The following CA10 variants were observed in gnomAD, a reference collection of about 807,000 sequenced individuals.
The protein encoded by CA10 is carbonic anhydrase-related protein 10.
Under a neutral mutation model 44.2 loss-of-function variants are expected in CA10, and 14 were observed. The observed-to-expected ratio is 0.32, with a 90% CI of 0.21 to 0.50. The LOEUF (loss-of-function observed/expected upper bound fraction) is 0.50. Among genes scored for constraint, CA10 ranks in the 20% least tolerant of loss-of-function variants. The pLI, the probability that CA10 is intolerant of heterozygous loss-of-function variation, is 0.99. For missense variants in CA10, 350 were observed against 409.7 expected, an observed-to-expected ratio of 0.85 and a Z score of 1.26; for synonymous variants, 159 against 141.6, an observed-to-expected ratio of 1.12 and a Z score of -0.87.
chr17:51,846,608 A>T (rs1978503767), intron 3 of CA10, among the ~76,000 whole-genome samples: 1 of 152,252 alleles, frequency 6.6e-6, no homozygotes, highest in Admixed American at 6.5e-5. Flanking sequence ...GCTTCAGGCC[A>T]TGCCCCTCCA....
intron 4 of CA10, among the ~76,000 whole-genome samples, chr17:51,725,442 A>G (rs1017510868): frequency 1.3e-5 from 2 of 152,144 alleles, no homozygotes; most frequent in African/African-American, 2.4e-5. Context: ...GGAAGTGTGT[A>G]CCACTAGTGG....
chr17:51,839,786 T>G (rs945145843), intron 3 of CA10, among the ~76,000 whole-genome samples: 1 of 152,120 alleles, frequency 6.6e-6, no homozygotes, highest in Non-Finnish European at 1.5e-5. Flanking sequence ...TTGGAAGAGA[T>G]GCAAATATAG....
intron 2 of CA10, among the ~76,000 whole-genome samples, chr17:51,936,378 G>A (rs1198758924): frequency 6.6e-6 from 1 of 152,148 alleles, no homozygotes; most frequent in Non-Finnish European, 1.5e-5. Flanking sequence ...CTTAAAGCAT[G>A]TATGGGAGAG....
chr17:51,675,211 T>C (rs540802167), intron 4 of CA10, among the ~76,000 whole-genome samples: 3 of 152,230 alleles, frequency 2.0e-5, no homozygotes, highest in South Asian at 4.2e-4. Context: ...ATTAGCATAA[T>C]TGTCATTATT....
rs56848452 is a variant in CA10, at chr17:51,930,273, A to AT, written c.279+716dup. Reference sequence around the variant, plus strand: ...TTTGAACACAATTTTCTGCATGTGCATTTTTTTTTTACCTTTAACAACCTA... The same window carrying AT: ...TTTGAACACAATTTTCTGCATGTGCATTTTTTTTTTTACCTTTAACAACCTA... On this transcript the variant is annotated intron_variant, in intron 3 of 8. Coordinates refer to ENST00000451037, the MANE Select transcript of CA10 (RefSeq NM_020178.5). Among the ~76,000 whole-genome samples, 1,212 of 150,058 alleles carry AT rather than the reference A, an allele frequency of 8.1e-3. 20 individuals carry two copies. The highest frequency in any genetic ancestry group is 0.027 in the African/African-American group (1,088 of 41,004).
intron 3 of CA10, among the ~76,000 whole-genome samples, chr17:51,894,056 T>C (rs985097702): frequency 6.6e-6 from 1 of 152,138 alleles, no homozygotes; most frequent in African/African-American, 2.4e-5. Context: ...TAGAAAAGTA[T>C]AGGGAGCTTG....
chr17:51,869,043 G>A (rs556125358), intron 3 of CA10, among the ~76,000 whole-genome samples: 56 of 151,768 alleles, frequency 3.7e-4, no homozygotes, highest in Non-Finnish European at 1.2e-4. Flanking sequence ...CTCTAAAGCC[G>A]TTCAAAATAT....
intron 3 of CA10, among the ~76,000 whole-genome samples, chr17:51,758,392 A>T (rs1230733157): frequency 6.6e-6 from 1 of 152,234 alleles, no homozygotes; most frequent in African/African-American, 2.4e-5. Flanking sequence ...ATGACAAAAG[A>T]CACAGAGAAC....
At chr17:51,759,176 G>A (rs917107268) in intron 3 of CA10, among the ~76,000 whole-genome samples, 2 of 151,926 alleles carry the variant, frequency 1.3e-5, no homozygotes, top group African/African-American at 4.8e-5. Context: ...ACTTCTTAGT[G>A]AGTGGCTGGA....
At chr17:52,123,584 T>G (rs1989058695) in intron 1 of CA10, among the ~76,000 whole-genome samples, 1 of 152,134 alleles carries the variant, frequency 6.6e-6, no homozygotes, top group Admixed American at 6.6e-5. Context: ...ACAAGGCTTA[T>G]AAATGTATGG....
chr17:52,108,204 A>ATATATTT lies in CA10; in HGVS notation c.62-35812_62-35811insAAATATA, dbSNP rs1555566992. 1.6e-3 allele frequency among the ~76,000 whole-genome samples: 37 copies of ATATATTT among 23,042 alleles called. No individual in the cohort carries two copies. In the African/African-American group the frequency reaches 0.041, roughly 26 times the overall value. 15.1% of individuals were successfully genotyped at this position (23,042 alleles called of 152,430 possible). A position where few individuals can be genotyped will look rare whatever the true frequency, so the allele number is the denominator to read the frequency against. ...TTATATATATATTTTTTATATATATATATATATATATATATATATATAATA... is the reference window on the plus strand; with the variant it reads ...TTATATATATATTTTTTATATATATATATATTTTATATATATATATATATATATAATA... On this transcript the variant is annotated intron_variant, in intron 1 of 8. Coordinates refer to ENST00000451037, the MANE Select transcript of CA10 (RefSeq NM_020178.5).
chr17:51,673,821 G>A lies in CA10; in HGVS notation c.466-20085C>T, dbSNP rs114376483. Reference sequence around the variant, plus strand: ...GGGAAATGTCCAGGCTCTTTTATCCGGCCTGAAAGGCCCACCATGACCTCC... The same window carrying A: ...GGGAAATGTCCAGGCTCTTTTATCCAGCCTGAAAGGCCCACCATGACCTCC... On this transcript the variant is annotated intron_variant, in intron 4 of 8. Transcript: ENST00000451037. 7.8e-3 allele frequency among the ~76,000 whole-genome samples: 1,194 copies of A among 152,208 alleles called. 15 individuals carry two copies. The highest frequency in any genetic ancestry group is 0.027 in the African/African-American group (1,123 of 41,520).
chr17:52,072,455 T>C, intron 1 of CA10, 62 bp from the exon 2 acceptor site: 1 of 1,244,126 alleles, frequency 8.0e-7, no homozygotes, highest in Non-Finnish European at 1.2e-6. Flanking sequence ...GTCCCGGCTG[T>C]CCGAGTAAGA....
intron 3 of CA10, among the ~76,000 whole-genome samples, chr17:51,860,153 C>A (rs778359289): frequency 2.0e-5 from 3 of 152,146 alleles, no homozygotes; most frequent in Non-Finnish European, 2.9e-5. Flanking sequence ...TCCTGGAAAC[C>A]CTTTCTCCCC....
chr17:51,840,798 A>T (rs1192350696), intron 3 of CA10, among the ~76,000 whole-genome samples: 1 of 152,218 alleles, frequency 6.6e-6, no homozygotes, highest in Non-Finnish European at 1.5e-5. Context: ...TATCAAAACC[A>T]CAGTGAAAAA....
At chr17:51,846,343 C>T (rs534342472) in intron 3 of CA10, among the ~76,000 whole-genome samples, 23 of 152,362 alleles carry the variant, frequency 1.5e-4, no homozygotes, top group African/African-American at 5.3e-4. Context: ...TGCAGGATCA[C>T]ACCCCTTGGG....
At chr17:51,989,833 T>G (rs938491451) in intron 2 of CA10, among the ~76,000 whole-genome samples, 1 of 152,098 alleles carries the variant, frequency 6.6e-6, no homozygotes, top group African/African-American at 2.4e-5. Flanking sequence ...CCTTAACCTG[T>G]TTTCTGCTGT....
intron 3 of CA10, among the ~76,000 whole-genome samples, chr17:51,921,799 G>A (rs1982244734): frequency 6.6e-6 from 1 of 152,184 alleles, no homozygotes; most frequent in African/African-American, 2.4e-5. Flanking sequence ...CACATGTAGT[G>A]TTCTTACAGA....
chr17:52,132,277 A>G (rs1035227426), intron 1 of CA10, among the ~76,000 whole-genome samples: 1 of 152,164 alleles, frequency 6.6e-6, no homozygotes, highest in African/African-American at 2.4e-5. Flanking sequence ...TCAGAGGAAG[A>G]CGCTGCAAGA....
Sources: gnomAD v4.1 joint callset for allele counts (sites outside exome capture counted in the v4.1 genomes callset) on GRCh38, gnomAD v4.1.1 for gene constraint, MANE v1.5 for transcripts, NCBI Gene and HGNC (gene_info 2026-07-23, HGNC 2026-07-21) for gene names.